Variants in RAP1GAP2 observed in about 807,000 individuals in gnomAD.
RAP1GAP2 encodes RAP1 GTPase activating protein 2, also known as rap1 GTPase-activating protein 2.
Under a neutral mutation model 95.0 loss-of-function variants are expected in RAP1GAP2, and 27 were observed. The ratio of observed to expected loss-of-function variants is 0.28; its 90% CI spans 0.21 to 0.39. The LOEUF is 0.39. Among genes scored for constraint, RAP1GAP2 ranks in the 10% least tolerant of loss-of-function variants. The pLI is 1.00. For synonymous variants in RAP1GAP2, 373 were observed against 380.9 expected, an observed-to-expected ratio of 0.98 and a Z score of 0.24; for missense variants, 771 against 970.0, an observed-to-expected ratio of 0.79 and a Z score of 2.72.
chr17:2,820,903 T>TTTTTGTATTTTTTG (rs2070268982), intron 2 of RAP1GAP2, among the ~76,000 whole-genome samples: 2 of 145,868 alleles, frequency 1.4e-5, no homozygotes, highest in African/African-American at 5.2e-5. Flanking sequence ...TTTTTTTTTT[T>TTTTTGTATTTTTTG]TTTTTTGTAT....
At chr17:2,931,455 G>A (rs1454236888) in intron 3 of RAP1GAP2, among the ~76,000 whole-genome samples, 5 of 152,200 alleles carry the variant, frequency 3.3e-5, no homozygotes, top group Admixed American at 6.5e-5. Context: ...CCAGGACAGC[G>A]GGGCCGGGAA....
chr17:2,875,737 T>G (rs1030031958), intron 2 of RAP1GAP2, among the ~76,000 whole-genome samples: 11 of 151,978 alleles, frequency 7.2e-5, no homozygotes, highest in African/African-American at 2.4e-4. Flanking sequence ...TGTCTCATCC[T>G]CCTCCTCTGC....
At chr17:2,784,586 T>C (rs184388742) in intron 1 of RAP1GAP2, among the ~76,000 whole-genome samples, 306 of 152,308 alleles carry the variant, frequency 2.0e-3, no homozygotes, top group African/African-American at 6.9e-3. Flanking sequence ...TTTATTCTTT[T>C]AGCAGCAGCT....
chr17:2,775,315 C>T (rs911641641), upstream of RAP1GAP2, among the ~76,000 whole-genome samples: 5 of 152,108 alleles, frequency 3.3e-5, no homozygotes, highest in South Asian at 2.1e-4. Flanking sequence ...ATATGACCAG[C>T]GTGCTGAAGA....
intron 3 of RAP1GAP2, among the ~76,000 whole-genome samples, chr17:2,946,537 T>C (rs1042513284): frequency 2.0e-5 from 3 of 152,202 alleles, no homozygotes; most frequent in Admixed American, 6.5e-5. Flanking sequence ...AATATGAGTC[T>C]GCCTAATTTA....
upstream of RAP1GAP2, among the ~76,000 whole-genome samples, chr17:2,776,557 C>A (rs556953975): frequency 2.3e-4 from 35 of 152,160 alleles, no homozygotes; most frequent in African/African-American, 8.2e-4. Flanking sequence ...CCCCTCCGCC[C>A]CCTCTCCGCG....
intron 1 of RAP1GAP2, among the ~76,000 whole-genome samples, chr17:2,783,917 C>T (rs372758407): frequency 7.5e-4 from 114 of 152,280 alleles, no homozygotes; most frequent in African/African-American, 2.6e-3. Flanking sequence ...GGTGGCTGAG[C>T]TAAGGGACAA....
rs529722682 is a variant in RAP1GAP2 at position 2,948,099 on chromosome 17, T to C, written c.166-9660T>C. On this transcript the variant is annotated intron_variant, in intron 3 of 24. Transcript: ENST00000254695. ...GATTGCAAGGACTCATTGAGCGACCTGTGTGCCAGGCTCTGTACACGCTGG... is the reference window on the plus strand; with the variant it reads ...GATTGCAAGGACTCATTGAGCGACCCGTGTGCCAGGCTCTGTACACGCTGG... Among the ~76,000 whole-genome samples, 205 of 152,344 alleles carry C rather than the reference T, an allele frequency of 1.3e-3. 2 individuals are homozygous for C. The highest frequency in any genetic ancestry group is 4.7e-3 in the African/African-American group (197 of 41,580).
chr17:2,935,591 C>A (rs1892059158), intron 3 of RAP1GAP2, among the ~76,000 whole-genome samples: 1 of 152,138 alleles, frequency 6.6e-6, no homozygotes, highest in Non-Finnish European at 1.5e-5. Flanking sequence ...AATGTCACCC[C>A]CCCGCCCCCA....
intron 3 of RAP1GAP2, among the ~76,000 whole-genome samples, chr17:2,925,396 G>A (rs1446701475): frequency 6.6e-6 from 1 of 152,140 alleles, no homozygotes; most frequent in Non-Finnish European, 1.5e-5. Context: ...CAATCATGAA[G>A]GAGAAGCATG....
chr17:2,830,646 G>A (rs773954635), intron 2 of RAP1GAP2, among the ~76,000 whole-genome samples: 5 of 151,642 alleles, frequency 3.3e-5, no homozygotes, highest in African/African-American at 7.3e-5. Context: ...CCTGGGAGGC[G>A]GAAGTTGCAG....
chr17:3,007,894 G>C (rs1402895903), intron 16 of RAP1GAP2, 117 bp from the exon 17 acceptor site: 2 of 1,273,570 alleles, frequency 1.6e-6, no homozygotes, highest in African/African-American at 3.0e-5. Flanking sequence ...CCACACCGTT[G>C]CTGGGCCGGG....
chr17:2,951,881 A>G (rs2043936167), intron 3 of RAP1GAP2, among the ~76,000 whole-genome samples: 2 of 151,924 alleles, frequency 1.3e-5, no homozygotes, highest in African/African-American at 4.8e-5. Context: ...TAAAAATACA[A>G]AGATTAACTG....
chr17:3,031,259 C>A (rs1199744178), intron 23 of RAP1GAP2, among the ~76,000 whole-genome samples: 1 of 152,216 alleles, frequency 6.6e-6, no homozygotes, highest in Admixed American at 6.5e-5. Flanking sequence ...GTTCCTGGGT[C>A]CCCCAGTCCC....
upstream of RAP1GAP2, chr17:2,796,314 C>T (rs1223958371): frequency 1.7e-5 from 10 of 581,736 alleles, no homozygotes; most frequent in Non-Finnish European, 3.1e-5. This position sits in a 1 kb window ranked among gnomAD's most constrained non-coding sequence, Gnocchi z 4.7. Flanking sequence ...CCTCCTCGGC[C>T]TATCTTGGTG....
At chr17:2,952,723 G>C (rs1441726671) in intron 3 of RAP1GAP2, among the ~76,000 whole-genome samples, 2 of 152,152 alleles carry the variant, frequency 1.3e-5, no homozygotes, top group Non-Finnish European at 2.9e-5. Flanking sequence ...TTCATAACTA[G>C]AGAGGTTGGG....
intron 2 of RAP1GAP2, among the ~76,000 whole-genome samples, chr17:2,882,556 C>T (rs896895613): frequency 6.6e-6 from 1 of 152,072 alleles, no homozygotes; most frequent in Non-Finnish European, 1.5e-5. Flanking sequence ...TCCCAAAGTG[C>T]TGGGATTACA....
intron 2 of RAP1GAP2, among the ~76,000 whole-genome samples, chr17:2,823,979 T>C (rs182922445): frequency 0.029 from 4,378 of 150,880 alleles, 229 homozygotes; most frequent in African/African-American, 0.099. Flanking sequence ...AAAAATTAGC[T>C]GGGCGTGGTG....
intron 1 of RAP1GAP2, among the ~76,000 whole-genome samples, chr17:2,798,625 C>A (rs1185256943): frequency 9.9e-6 from 1 of 100,506 alleles, no homozygotes; most frequent in Non-Finnish European, 1.8e-5. Flanking sequence ...CCTCTGGCAC[C>A]AGGGGCAGAC....
Sources: gnomAD v4.1 joint callset for allele counts (sites outside exome capture counted in the v4.1 genomes callset) on GRCh38, gnomAD v4.1.1 for gene constraint, Gnocchi (gnomAD v3.1) non-coding constraint, MANE v1.5 for transcripts, NCBI Gene and HGNC (gene_info 2026-07-23, HGNC 2026-07-21) for gene names.